Variants in ARMC8 observed in about 807,000 individuals in gnomAD.
The protein encoded by ARMC8 is armadillo repeat-containing protein 8.
A neutral mutation model predicts 99.3 loss-of-function variants in ARMC8; 20 were observed. The ratio of observed to expected loss-of-function variants is 0.20; its 90% CI spans 0.14 to 0.29. The LOEUF is 0.29. Among genes scored for constraint, ARMC8 ranks in the 10% least tolerant of loss-of-function variants. The pLI, the probability that ARMC8 is intolerant of heterozygous loss-of-function variation, is 1.00. For synonymous variants in ARMC8, 263 were observed against 278.3 expected (o/e 0.95, Z 0.55); for missense variants, 569 against 809.5 (o/e 0.70, Z 3.60).
intron 17 of ARMC8, 26 bp from the exon 18 acceptor site, chr3:138,274,423 A>T: frequency 6.9e-7 from 1 of 1,453,498 alleles, no homozygotes; most frequent in Non-Finnish European, 9.6e-7. Context: ...TTCTTTGATA[A>T]TTATGGATTT....
intron 4 of ARMC8, 26 bp from the exon 5 acceptor site, chr3:138,223,610 G>A: frequency 6.2e-7 from 1 of 1,613,822 alleles, no homozygotes; most frequent in Non-Finnish European, 8.5e-7. Context: ...GAAAGGATTA[G>A]TCCTAAATCT....
chr3:138,204,813 A>T (rs374590113), intron 1 of ARMC8, among the ~76,000 whole-genome samples: 3 of 152,016 alleles, frequency 2.0e-5, no homozygotes, highest in African/African-American at 7.2e-5. Flanking sequence ...ATCCAGGATC[A>T]CTCCCTTAGT....
chr3:138,187,943 CG>C (rs2107925015), intron 1 of ARMC8: 4 of 354,820 alleles, frequency 1.1e-5, no homozygotes, highest in Non-Finnish European at 1.6e-5. Flanking sequence ...TGCCGCTTCC[CG>C]GGGGCCGAAC....
intron 12 of ARMC8, among the ~76,000 whole-genome samples, chr3:138,247,134 C>T (rs569690454): frequency 3.3e-5 from 5 of 152,050 alleles, no homozygotes; most frequent in Non-Finnish European, 7.4e-5. Flanking sequence ...TAAATAGTAG[C>T]ACTTTTCTTT....
intron 1 of ARMC8, among the ~76,000 whole-genome samples, chr3:138,196,647 T>A (rs999751134): frequency 2.0e-5 from 3 of 151,992 alleles, no homozygotes; most frequent in African/African-American, 7.2e-5. Flanking sequence ...GGCAGGTGGA[T>A]CATCTGAGGT....
chr3:138,276,125 G>GT (rs1383042866), intron 18 of ARMC8, among the ~76,000 whole-genome samples: 1 of 152,128 alleles, frequency 6.6e-6, no homozygotes, highest in Non-Finnish European at 1.5e-5. Context: ...CAACAGTATT[G>GT]TTTTTGCAGG....
intron 1 of ARMC8, among the ~76,000 whole-genome samples, chr3:138,200,490 G>GT (rs1408196548): frequency 1.3e-5 from 2 of 152,130 alleles, no homozygotes; most frequent in Admixed American, 6.5e-5. Context: ...TATACTCTAG[G>GT]TTTTTTGCCT....
intron 6 of ARMC8, 157 bp downstream of exon 6, chr3:138,229,167 T>TATATATATATATATATAC (rs2045883773): frequency 7.1e-5 from 4 of 56,572 alleles, no homozygotes; most frequent in African/African-American, 2.5e-4. Flanking sequence ...TATATATATA[T>TATATATATATATATATAC]ATATATATAT....
Position 138,275,842 on chromosome 3 carries a change from A to G in ARMC8, c.1725+1298A>G, listed in dbSNP as rs548056757. The stretch of plus-strand genomic sequence containing the variant: ...GATATTTTACGTGATATCTCTTAAA[A>G]TTTTTTTTAAAACTGTGTTTTGATG... On this transcript the variant is annotated intron_variant, in intron 18 of 21. Coordinates refer to ENST00000469044, the MANE Select transcript of ARMC8 (RefSeq NM_001363941.2). Among the ~76,000 whole-genome samples the G allele has an allele frequency of 8.5e-5, 13 of 152,278 alleles. No homozygotes were observed. In the East Asian group the frequency reaches 1.9e-3, roughly 23 times the overall value.
chr3:138,254,426 G>A (rs1461406946), intron 12 of ARMC8, among the ~76,000 whole-genome samples: 1 of 152,212 alleles, frequency 6.6e-6, no homozygotes, highest in Non-Finnish European at 1.5e-5. Context: ...TGTGTATATA[G>A]AGGATAGGGG....
chr3:138,193,418 G>A (rs755113086), intron 1 of ARMC8, among the ~76,000 whole-genome samples: 9 of 151,962 alleles, frequency 5.9e-5, no homozygotes, highest in East Asian at 1.9e-4. Context: ...GTGCCACCGC[G>A]CCCAGCTAAT....
At chr3:138,205,118 G>T (rs562911781) in intron 1 of ARMC8, among the ~76,000 whole-genome samples, 1 of 138,536 alleles carries the variant, frequency 7.2e-6, no homozygotes, top group African/African-American at 2.8e-5. Flanking sequence ...ACCCAGGCTG[G>T]AGTGCAGTGA....
intron 12 of ARMC8, among the ~76,000 whole-genome samples, chr3:138,258,960 AC>A (rs2108242296): frequency 6.6e-6 from 1 of 152,284 alleles, no homozygotes; most frequent in South Asian, 2.1e-4. Flanking sequence ...AGCAGATCCA[AC>A]CAGCTATGCC....
chr3:138,230,202 AAG>A (rs1469738787), intron 6 of ARMC8, among the ~76,000 whole-genome samples: 1 of 152,246 alleles, frequency 6.6e-6, no homozygotes, highest in East Asian at 1.9e-4. Flanking sequence ...GAGGTGGGGA[AAG>A]AAAGGCTTTA....
chr3:138,247,083 A>ATAT (rs2046916135), intron 12 of ARMC8, among the ~76,000 whole-genome samples: 1 of 152,192 alleles, frequency 6.6e-6, no homozygotes, highest in Non-Finnish European at 1.5e-5. Flanking sequence ...AAGACTGGCC[A>ATAT]TAGGCGTGGA....
At chr3:138,242,426 C>T (rs9842193) in intron 11 of ARMC8, among the ~76,000 whole-genome samples, 92,013 of 151,992 alleles carry the variant, frequency 0.61, 28,517 homozygotes, top group East Asian at 0.81. Flanking sequence ...TTCTCTTTTT[C>T]CCAGTTTCAT....
At position 138,248,237 on chromosome 3, in the gene ARMC8, C is replaced by T. The variant is rs564183791; in HGVS notation, c.1134+3054C>T. Among the ~76,000 whole-genome samples, 4 of 152,016 alleles carry T rather than the reference C, an allele frequency of 2.6e-5. No individual in the cohort carries two copies. The South Asian group carries it at 6.2e-4, about 24-fold the overall frequency. On this transcript the variant is annotated intron_variant, in intron 12 of 21. Transcript: ENST00000469044. ...AGCCTGGCAACAGTTGTGGCCTGGCCGTGTTAAACTTAGAAGAATTCAAGC... is the reference window on the plus strand; with the variant it reads ...AGCCTGGCAACAGTTGTGGCCTGGCTGTGTTAAACTTAGAAGAATTCAAGC...
At chr3:138,274,902 T>G (rs1463384260) in intron 18 of ARMC8, among the ~76,000 whole-genome samples, 1 of 152,154 alleles carries the variant, frequency 6.6e-6, no homozygotes, top group Non-Finnish European at 1.5e-5. Context: ...TCCGCCGCCA[T>G]GCTCTCAACT....
At chr3:138,278,792 A>G (rs1000457625) in intron 18 of ARMC8, among the ~76,000 whole-genome samples, 10 of 151,936 alleles carry the variant, frequency 6.6e-5, no homozygotes, top group Admixed American at 2.0e-4. Context: ...ATTTATTCCT[A>G]TTTCATATGT....
Sources: gnomAD v4.1 joint callset for allele counts (sites outside exome capture counted in the v4.1 genomes callset) on GRCh38, gnomAD v4.1.1 for gene constraint, MANE v1.5 for transcripts, NCBI Gene and HGNC (gene_info 2026-07-23, HGNC 2026-07-21) for gene names.